Variants in PHC2 observed in about 807,000 individuals in gnomAD.
PHC2 encodes the protein polyhomeotic homolog 2, also known as polyhomeotic-like protein 2.
A neutral mutation model predicts 87.4 loss-of-function variants in PHC2; 29 were observed. That is an observed-to-expected ratio of 0.33 (90% CI 0.25 to 0.45). The LOEUF (loss-of-function observed/expected upper bound fraction) is 0.45. Ranked by LOEUF, PHC2 falls within the 20% of genes least tolerant of loss-of-function variation. The probability of loss-of-function intolerance (pLI) is 1.00; values close to 1 mark genes in which losing one functional copy is unlikely to be tolerated. For synonymous variants in PHC2, 438 were observed against 461.7 expected, an observed-to-expected ratio of 0.95 and a Z score of 0.66; for missense variants, 857 against 1,136.7, an observed-to-expected ratio of 0.75 and a Z score of 3.54.
chr1:33,398,095 T>C (rs12068367), intron 1 of PHC2, among the ~76,000 whole-genome samples: 2,717 of 152,340 alleles, frequency 0.018, 74 homozygotes, highest in African/African-American at 0.061. Context: ...CTGCTTATGA[T>C]AGCACTGCTT....
chr1:33,414,174 C>G (rs200314641), intron 1 of PHC2, among the ~76,000 whole-genome samples: 1 of 113,604 alleles, frequency 8.8e-6, no homozygotes, highest in Non-Finnish European at 1.9e-5. Flanking sequence ...TTCTCTCTCT[C>G]TGTCACACAC....
At chr1:33,410,385 TG>T (rs1649935078) in intron 1 of PHC2, among the ~76,000 whole-genome samples, 1 of 152,162 alleles carries the variant, frequency 6.6e-6, no homozygotes, top group Non-Finnish European at 1.5e-5. Flanking sequence ...AGCTAAAGAA[TG>T]GGCTAAGAAC....
In PHC2 at chr1:33,332,764, C is replaced by T. The variant is rs759667967; in HGVS notation, c.1762-360G>A. On this transcript the variant is annotated intron_variant, in intron 10 of 14. Transcript: ENST00000683057. The surrounding 1 kb of genome is among the most constrained non-coding windows in gnomAD (Gnocchi z 4.2). ...CACGCATCTCCAGGCAAGGACAGAG[C>T]GGAGTCTGTGTGAGGCTGTACATAC... Among the ~76,000 whole-genome samples, 27 of 152,122 alleles carry T rather than the reference C, an allele frequency of 1.8e-4. No homozygotes were observed. Among genetic ancestry groups the T allele is most frequent in the Non-Finnish European group, 3.4e-4 (23 of 68,028 alleles).
chr1:33,329,980 G>A (rs868348869), intron 13 of PHC2, 91 bp downstream of exon 13: 35 of 1,434,498 alleles, frequency 2.4e-5, no homozygotes, highest in East Asian at 2.1e-4. Context: ...CGCTGAAGTC[G>A]GCAGCTGGAG....
chr1:33,414,220 A>ACACAC (rs1411308736), intron 1 of PHC2, among the ~76,000 whole-genome samples: 19 of 120,858 alleles, frequency 1.6e-4, no homozygotes, highest in African/African-American at 4.3e-4. Context: ...CACACACACA[A>ACACAC]GAAAGGTTAA....
chr1:33,407,927 G>C (rs1649828681), intron 1 of PHC2, among the ~76,000 whole-genome samples: 1 of 152,152 alleles, frequency 6.6e-6, no homozygotes. Flanking sequence ...GATACCTGTG[G>C]TCAGGTTTCT....
At chr1:33,327,260 G>A (rs1010141531) in intron 14 of PHC2, among the ~76,000 whole-genome samples, 1 of 152,166 alleles carries the variant, frequency 6.6e-6, no homozygotes, top group African/African-American at 2.4e-5. Flanking sequence ...TTGTGGAAGG[G>A]AGCAGATAGC....
chr1:33,421,634 G>C (rs80302173), intron 1 of PHC2, among the ~76,000 whole-genome samples: 1 of 152,144 alleles, frequency 6.6e-6, no homozygotes, highest in Admixed American at 6.5e-5. Flanking sequence ...ACTCAAGAAC[G>C]TTTGTGTTTA....
intron 7 of PHC2, among the ~76,000 whole-genome samples, chr1:33,356,603 T>A (rs1418697222): frequency 6.6e-6 from 1 of 151,824 alleles, no homozygotes; most frequent in African/African-American, 2.4e-5. Context: ...GAGCACGGGG[T>A]TGGGGGTAAG....
Position 33,375,485 on chromosome 1 carries a change from T to C in PHC2, c.55A>G (p.Ser19Gly). 1 of 1,611,726 alleles carries C rather than the reference T, an allele frequency of 6.2e-7. No individual in the cohort carries two copies. The highest frequency in any genetic ancestry group is 1.1e-5 in the South Asian group (1 of 90,692). ...HTSSSACATS[S>G]TSGASSSSGC... is the part of the protein sequence containing the mutation. ...CTGCTGCTACTGGCCCCGCTGGTAC[T>C]GCTGGTGGCACAGGCACTGCTAGAT... is the stretch of plus-strand genomic sequence containing the variant. The change falls in exon 2 of 15, where the codon AGT (serine) becomes GGT (glycine). Residue 19 changes from serine (S) to glycine (G), a missense_variant. Physicochemically the swap from Ser to Gly is moderately conservative, Grantham distance 56. This residue lies in a region of PHC2 where 832 missense variants were observed against 1,081.8 expected (regional missense o/e 0.77). Transcript: ENST00000683057.
chr1:33,331,276 T>C lies in PHC2; in HGVS notation c.2006+72A>G. 3.7e-6 allele frequency: 3 copies of C among 806,780 alleles called. No individual in the cohort carries two copies. Among genetic ancestry groups the C allele is most frequent in the Non-Finnish European group, 6.2e-6 (3 of 486,392 alleles). 50.0% of individuals were successfully genotyped at this position (806,780 alleles called of 1,614,324 possible). A position where few individuals can be genotyped will look rare whatever the true frequency, so the allele number is the denominator to read the frequency against. The stretch of plus-strand genomic sequence containing the variant: ...AGCCACCCCTATGGACCTCCTGGGG[T>C]AGACTATTAATGGCAGGAGGTGGGA... On this transcript the variant is annotated intron_variant, in intron 12 of 14. Transcript: ENST00000683057. This position sits in a 1 kb window ranked among gnomAD's most constrained non-coding sequence, Gnocchi z 5.2.
At chr1:33,351,199 GGTT>G (rs1471275175) in intron 9 of PHC2, among the ~76,000 whole-genome samples, 2 of 152,160 alleles carry the variant, frequency 1.3e-5, no homozygotes, top group Non-Finnish European at 2.9e-5. Flanking sequence ...GAAGGAGTGT[GGTT>G]GTGTTCCAAT....
intron 1 of PHC2, among the ~76,000 whole-genome samples, chr1:33,397,245 G>T (rs531825844): frequency 6.6e-6 from 1 of 152,146 alleles, no homozygotes; most frequent in Non-Finnish European, 1.5e-5. Context: ...TTCTCCAGAG[G>T]GAGCTGCTCA....
At chr1:33,344,748 C>T (rs991221013) in intron 9 of PHC2, among the ~76,000 whole-genome samples, 4 of 152,098 alleles carry the variant, frequency 2.6e-5, no homozygotes, top group Non-Finnish European at 4.4e-5. Flanking sequence ...AGACCACAGG[C>T]GTGTGCCACT....
chr1:33,356,295 T>TATA (rs1647084160), intron 7 of PHC2, among the ~76,000 whole-genome samples: 2 of 83,554 alleles, frequency 2.4e-5, no homozygotes, highest in Non-Finnish European at 6.6e-5. Context: ...ATATATATAT[T>TATA]TATTTATTTA....
chr1:33,404,444 G>A (rs7515030), intron 1 of PHC2, among the ~76,000 whole-genome samples: 1 of 152,012 alleles, frequency 6.6e-6, no homozygotes, highest in Non-Finnish European at 1.5e-5. Context: ...TTCTAATTAA[G>A]AGTTTTTCCA....
Position 33,349,736 on chromosome 1 carries a change from C to T in PHC2, c.1558+4665G>A, listed in dbSNP as rs1168368637. The T allele has an allele frequency of 1.2e-5, 12 of 994,856 alleles. No homozygotes were observed. Among genetic ancestry groups the T allele is most frequent in the Non-Finnish European group, 1.1e-5 (9 of 835,100 alleles). The allele number at this position is 994,856 out of a possible 1,614,324, so 61.6% of individuals were successfully genotyped here. ...TCCGAGCCGGGGCCCGGGGCTGCCG[C>T]GGCGCATCCGACCGCACCGGCCTGG... is the stretch of plus-strand genomic sequence containing the variant. On this transcript the variant is annotated intron_variant, in intron 9 of 14. Transcript: ENST00000683057. This position sits in a 1 kb window ranked among gnomAD's most constrained non-coding sequence, Gnocchi z 4.2.
intron 1 of PHC2, among the ~76,000 whole-genome samples, chr1:33,390,411 C>G (rs1033840263): frequency 7.9e-5 from 12 of 152,264 alleles, no homozygotes; most frequent in Admixed American, 3.3e-4. Context: ...GGATGTTCAT[C>G]ATCTACTTAA....
In PHC2 at chr1:33,331,202, G is replaced by A. The variant is rs145899855; in HGVS notation, c.2006+146C>T. Reference sequence around the variant, plus strand: ...CTGGCTTCTCGTGCTTGTTGAATTAGGGATGCCATCCTGCTTCCAGGTGGG... The same window carrying A: ...CTGGCTTCTCGTGCTTGTTGAATTAAGGATGCCATCCTGCTTCCAGGTGGG... On this transcript the variant is annotated intron_variant, in intron 12 of 14. Transcript: ENST00000683057. This position sits in a 1 kb window ranked among gnomAD's most constrained non-coding sequence, Gnocchi z 5.2. 4.1e-4 allele frequency: 203 copies of A among 494,350 alleles called. No homozygotes were observed. The highest frequency in any genetic ancestry group is 3.6e-3 in the African/African-American group (184 of 51,820). 30.6% of individuals were successfully genotyped at this position (494,350 alleles called of 1,614,324 possible).
Sources: allele counts gnomAD v4.1 joint callset (sites outside exome capture counted in the v4.1 genomes callset), GRCh38; gene constraint gnomAD v4.1.1; regional missense constraint gnomAD v4.1.1; non-coding constraint Gnocchi (gnomAD v3.1); transcripts MANE v1.5; gene names NCBI Gene and HGNC (gene_info 2026-07-23, HGNC 2026-07-21).